FLNC: variants seen among roughly 807,000 people sequenced by gnomAD.
The protein encoded by FLNC is filamin C.
FLNC carries 91 observed loss-of-function variants against 254.3 expected under a neutral mutation model. That is an observed-to-expected ratio of 0.36 (90% CI 0.30 to 0.43). FLNC has a LOEUF of 0.43. Among genes scored for constraint, FLNC ranks in the 20% least tolerant of loss-of-function variants. The pLI, the probability that FLNC is intolerant of heterozygous loss-of-function variation, is 1.00. For missense variants in FLNC, 2,853 were observed against 3,802.6 expected (o/e 0.75, Z 6.57); for synonymous variants, 1,430 against 1,577.2 (o/e 0.91, Z 2.21).
In FLNC at chr7:128,853,967, C is replaced by T; in HGVS notation, c.6485-7C>T. 6.2e-7 allele frequency: 1 copy of T among 1,613,342 alleles called. No individual in the cohort carries two copies. The highest frequency in any genetic ancestry group is 1.6e-4 in the Middle Eastern group (1 of 6,062). On this transcript the variant is annotated splice_polypyrimidine_tract_variant and splice_region_variant and intron_variant, in intron 39 of 47. Transcript: ENST00000325888. ...CCTCCCTCACCCTGGCTCCCTTGAC[C>T]ACACAGGAAACTGGTTCCAGATGGT...
intron 31 of FLNC, 154 bp downstream of exon 31, chr7:128,850,228 C>A: frequency 1.1e-6 from 1 of 913,976 alleles, no homozygotes; most frequent in Non-Finnish European, 1.8e-6. Flanking sequence ...CACTTGGGCA[C>A]AGCACTCCTT....
At position 128,841,716 on chromosome 7, in the gene FLNC, C is replaced by G. The variant is rs372167867; in HGVS notation, c.2121+149C>G. 1 of 676,050 alleles carries G rather than the reference C, an allele frequency of 1.5e-6. No homozygotes were observed. The highest frequency in any genetic ancestry group is 3.0e-4 in the Middle Eastern group (1 of 3,294). The allele number at this position is 676,050 out of a possible 1,614,324, so 41.9% of individuals were successfully genotyped here. On this transcript the variant is annotated intron_variant, in intron 13 of 47. Transcript: ENST00000325888. This position sits in a 1 kb window ranked among gnomAD's most constrained non-coding sequence, Gnocchi z 4.3. ...CTGATACTCATGGGCCCATCAGTAC[C>G]ATGGAAAATTTTAAATTTTGTGTTT...
At chr7:128,831,163 C>T (rs1807876297) in intron 1 of FLNC, among the ~76,000 whole-genome samples, 174 bp downstream of exon 1, 1 of 150,848 alleles carries the variant, frequency 6.6e-6, no homozygotes, top group African/African-American at 2.4e-5. Flanking sequence ...GGGCCATGGG[C>T]ACTGCCTGCA....
At position 128,858,794 on chromosome 7, in the gene FLNC, CA is replaced by C; in HGVS notation, c.*273del. 1 of 534,878 alleles carries C rather than the reference CA, an allele frequency of 1.9e-6. No homozygotes were observed. The highest frequency in any genetic ancestry group is 2.1e-5 in the South Asian group (1 of 47,548). 33.1% of individuals were successfully genotyped at this position (534,878 alleles called of 1,614,324 possible). On this transcript the variant is annotated 3_prime_UTR_variant, in exon 48 of 48. Coordinates refer to ENST00000325888, the MANE Select transcript of FLNC (RefSeq NM_001458.5). The surrounding 1 kb of genome is among the most constrained non-coding windows in gnomAD (Gnocchi z 6.7). ...AGGCTCAGGGGCAGAGGCTGGGACA[CA>C]AGGGGCTGGCGAGGGCTGCGAGGCC...
chr7:128,854,294 G>A, intron 40 of FLNC, 78 bp downstream of exon 40: 3 of 1,604,666 alleles, frequency 1.9e-6, no homozygotes, highest in Non-Finnish European at 2.6e-6. Flanking sequence ...GATGCTGGCA[G>A]ACTGGCCCCG....
At chr7:128,847,910 C>T (rs1363517428) in intron 25 of FLNC, 35 bp from the exon 26 acceptor site, 5 of 1,613,666 alleles carry the variant, frequency 3.1e-6, no homozygotes, top group Non-Finnish European at 3.4e-6. Flanking sequence ...GGCGGGACGC[C>T]CGGAGGCTCT....
At position 128,840,987 on chromosome 7, in the gene FLNC, CAGG is replaced by C. The variant is rs753717377; in HGVS notation, c.1813+24_1813+26del. ...GGACACTGGGTAAGTGGCTGGGGGG[CAGG>C]AGGAGGGAGTGCTGCGGGGGAGGGC... On this transcript the variant is annotated intron_variant, in intron 11 of 47. Transcript: ENST00000325888. The C allele has an allele frequency of 1.9e-6, 3 of 1,583,004 alleles. No homozygotes were observed. The highest frequency in any genetic ancestry group is 2.7e-5 in the African/African-American group (2 of 74,038).
rs1054100328 is a variant in FLNC at position 128,837,695 on chromosome 7, G to A, written c.909G>A (p.Val303=). The change falls in exon 5 of 48, where the codon GTG becomes GTA. Residue 303 remains valine (V), a synonymous_variant. Transcript: ENST00000325888. The stretch of plus-strand genomic sequence containing the variant: ...CTGCCCACTTCACCGTGCAGACGGT[G>A]GACGCGGGCGTGGGCGAGGTGCTGG... The part of the protein sequence containing the change: ...LQPAHFTVQT[V]DAGVGEVLVY... The A allele has an allele frequency of 2.5e-6, 4 of 1,610,670 alleles. No individual in the cohort carries two copies. The highest frequency in any genetic ancestry group is 2.7e-5 in the African/African-American group (2 of 74,900).
chr7:128,849,249 T>C (rs767773215), intron 29 of FLNC, 45 bp downstream of exon 29: 5 of 1,614,014 alleles, frequency 3.1e-6, no homozygotes, highest in Middle Eastern at 3.3e-4. Flanking sequence ...CCAGGGTGGT[T>C]GGCGGTAGGG....
intron 1 of FLNC, among the ~76,000 whole-genome samples, chr7:128,831,988 A>G (rs978268277): frequency 2.0e-5 from 3 of 151,972 alleles, no homozygotes; most frequent in Non-Finnish European, 4.4e-5. Context: ...TTGCAGGACG[A>G]GGTCCTTGGA....
At position 128,858,676 on chromosome 7, in the gene FLNC, C is replaced by T; in HGVS notation, c.*153C>T. ...TGGGGGTGAAGTGAAGGCCCAGCCT[C>T]CCCACCCCACCGCGCCCCAGGGGTT... On this transcript the variant is annotated 3_prime_UTR_variant, in exon 48 of 48. Transcript: ENST00000325888. This position sits in a 1 kb window ranked among gnomAD's most constrained non-coding sequence, Gnocchi z 6.7. 1 of 664,050 alleles carries T rather than the reference C, an allele frequency of 1.5e-6. No individual in the cohort carries two copies. 41.1% of individuals were successfully genotyped at this position (664,050 alleles called of 1,614,324 possible).
At position 128,854,914 on chromosome 7, in the gene FLNC, TG is replaced by T; in HGVS notation, c.7135+5del. 6.2e-7 allele frequency: 1 copy of T among 1,613,910 alleles called. No individual in the cohort carries two copies. On this transcript the variant is annotated splice_donor_region_variant and intron_variant, in intron 42 of 47. Coordinates refer to ENST00000325888, the MANE Select transcript of FLNC (RefSeq NM_001458.5). ...TCTCCTATGTCGTCCAGGAACCAGG[TG>T]GGCGTCCACACTGGCAGTGGGGCTG...
chr7:128,851,744 A>AC, intron 35 of FLNC, 116 bp downstream of exon 35: 1 of 1,043,500 alleles, frequency 9.6e-7, no homozygotes, highest in Non-Finnish European at 1.5e-6. Context: ...GAGGCCCTTC[A>AC]AGGTGTGAGG....
chr7:128,850,621 A>C lies in FLNC; in HGVS notation c.5398+138A>C, dbSNP rs1385574772. ...CCCAGGGTCACACAGCAAGTTGGGC[A>C]GAGCCAGAACTCAGGTGCAAGCCAT... On this transcript the variant is annotated intron_variant, in intron 32 of 47. Coordinates refer to ENST00000325888, the MANE Select transcript of FLNC (RefSeq NM_001458.5). The C allele has an allele frequency of 6.6e-5, 80 of 1,207,746 alleles. 3 individuals carry two copies. The South Asian group carries it at 1.0e-3, about 15-fold the overall frequency. 74.8% of individuals were successfully genotyped at this position (1,207,746 alleles called of 1,614,324 possible). A position where few individuals can be genotyped will look rare whatever the true frequency, so the allele number is the denominator to read the frequency against.
chr7:128,838,642 C>T lies in FLNC; in HGVS notation c.1250C>T (p.Pro417Leu), dbSNP rs1808204189. Reference protein sequence around the residue: ...TGDVAVVIVDPQGRRDTVEVA... With the variant: ...TGDVAVVIVDLQGRRDTVEVA... The stretch of plus-strand genomic sequence containing the variant: ...GATGTTGCTGTGGTGATCGTGGACC[C>T]ACAGGGCCGGCGGGACACAGTGGAG... The change falls in exon 8 of 48, where the codon CCA (proline) becomes CTA (leucine). Residue 417 changes from proline (P) to leucine (L), a missense_variant. By Grantham distance (98) the Pro-to-Leu change is moderately conservative. Coordinates refer to ENST00000325888, the MANE Select transcript of FLNC (RefSeq NM_001458.5). 1 of 1,613,034 alleles carries T rather than the reference C, an allele frequency of 6.2e-7. No individual in the cohort carries two copies. Among genetic ancestry groups the T allele is most frequent in the East Asian group, 2.2e-5 (1 of 44,882 alleles).
At position 128,845,178 on chromosome 7, in the gene FLNC, T is replaced by C. The variant is rs777798089; in HGVS notation, c.3713T>C (p.Phe1238Ser). The C allele has an allele frequency of 1.9e-6, 3 of 1,613,606 alleles. No individual in the cohort carries two copies. The African/African-American group carries it at 4.0e-5, about 22-fold the overall frequency. ...IKYGGHPVPK[F>S]PTRVHVQPAV... ...TATGGCGGGCATCCCGTGCCCAAATTCCCCACCCGTGTCCATGTGCAGCCT... is the reference window on the plus strand; with the variant it reads ...TATGGCGGGCATCCCGTGCCCAAATCCCCCACCCGTGTCCATGTGCAGCCT... Residue 1238 changes from phenylalanine (F) to serine (S), a missense_variant, in exon 21 of 48, where the codon TTC becomes TCC. This residue lies in a region of FLNC where 1,573 missense variants were observed against 1,883.5 expected (regional missense o/e 0.84). Transcript: ENST00000325888.
Position 128,842,383 on chromosome 7 carries a change from T to C in FLNC, c.2265+9T>C, listed in dbSNP as rs532692123. 36 of 1,613,114 alleles carry C rather than the reference T, an allele frequency of 2.2e-5. No individual in the cohort carries two copies. In the East Asian group the frequency reaches 7.1e-4, roughly 32 times the overall value. On this transcript the variant is annotated intron_variant, in intron 14 of 47. Transcript: ENST00000325888. The surrounding 1 kb of genome is among the most constrained non-coding windows in gnomAD (Gnocchi z 5.4). ...CCAAGAGCCCCTTCCGGGTGCGTCCTCCCGGCCTGCCCCGTGCCCACCACC... is the reference window on the plus strand; with the variant it reads ...CCAAGAGCCCCTTCCGGGTGCGTCCCCCCGGCCTGCCCCGTGCCCACCACC...
chr7:128,848,070 T>G lies in FLNC; in HGVS notation c.4580+2T>G. The G allele has an allele frequency of 6.2e-7, 1 of 1,601,720 alleles. No homozygotes were observed. Among genetic ancestry groups the G allele is most frequent in the Non-Finnish European group, 8.5e-7 (1 of 1,173,948 alleles). On this transcript the variant is annotated splice_donor_variant, in intron 26 of 47. Coordinates refer to ENST00000325888, the MANE Select transcript of FLNC (RefSeq NM_001458.5). LOFTEE classifies it high-confidence loss of function. Reference sequence around the variant, plus strand: ...TGCTGACCAGGAGGTGCCACGCAGGTGAGGACCAGCCCTGGGCTCCTGTGC... The same window carrying G: ...TGCTGACCAGGAGGTGCCACGCAGGGGAGGACCAGCCCTGGGCTCCTGTGC...
In FLNC at chr7:128,843,884, G is replaced by C; in HGVS notation, c.2900G>C (p.Ser967Thr). Residue 967 changes from serine (S) to threonine (T), a missense_variant, in exon 19 of 48, where the codon AGC (serine) becomes ACC (threonine). This residue lies in a region of FLNC where 1,573 missense variants were observed against 1,883.5 expected (regional missense o/e 0.84). Coordinates refer to ENST00000325888, the MANE Select transcript of FLNC (RefSeq NM_001458.5). Reference protein sequence around the residue: ...VVNVAPPLDLSKIKVQGLNSK... With the variant: ...VVNVAPPLDLTKIKVQGLNSK... ...AATGTGGCACCCCCGCTGGACCTCA[G>C]CAAAATCAAAGTTCAGGGCCTTAAT... The C allele has an allele frequency of 6.2e-7, 1 of 1,614,052 alleles. No homozygotes were observed. The highest frequency in any genetic ancestry group is 8.5e-7 in the Non-Finnish European group (1 of 1,180,034).
Sources: allele counts gnomAD v4.1 joint callset (sites outside exome capture counted in the v4.1 genomes callset), GRCh38; gene constraint gnomAD v4.1.1; regional missense constraint gnomAD v4.1.1; non-coding constraint Gnocchi (gnomAD v3.1); transcripts MANE v1.5; gene names NCBI Gene and HGNC (gene_info 2026-07-23, HGNC 2026-07-21).